The following CUX2 variants were observed in gnomAD, a reference collection of about 807,000 sequenced individuals.
CUX2 encodes homeobox protein cut-like 2.
Under a neutral mutation model 144.8 loss-of-function variants are expected in CUX2, and 40 were observed. The ratio of observed to expected loss-of-function variants is 0.28; its 90% CI spans 0.21 to 0.36. CUX2 has a LOEUF of 0.36. Among genes scored for constraint, CUX2 ranks in the 10% least tolerant of loss-of-function variants. The pLI, the probability that CUX2 is intolerant of heterozygous loss-of-function variation, is 1.00. For synonymous variants in CUX2, 827 were observed against 875.6 expected, an observed-to-expected ratio of 0.94 and a Z score of 0.98; for missense variants, 1,615 against 1,994.0, an observed-to-expected ratio of 0.81 and a Z score of 3.62.
chr12:111,249,218 C>T (rs756187553), intron 3 of CUX2, among the ~76,000 whole-genome samples: 1 of 152,086 alleles, frequency 6.6e-6, no homozygotes, highest in African/African-American at 2.4e-5. Context: ...CTCTGGAGCC[C>T]GGGCTGGAAA....
intron 4 of CUX2, among the ~76,000 whole-genome samples, chr12:111,268,865 T>C (rs7135620): frequency 0.13 from 19,792 of 152,238 alleles, 1,693 homozygotes; most frequent in African/African-American, 0.24. Context: ...AGGATGACCC[T>C]GTACAGACCC....
At chr12:111,165,515 CT>C (rs942636577) in intron 1 of CUX2, among the ~76,000 whole-genome samples, 4 of 152,216 alleles carry the variant, frequency 2.6e-5, no homozygotes, top group Admixed American at 6.5e-5. Flanking sequence ...AGAACATGAA[CT>C]TTAAAATCCA....
At position 111,223,267 on chromosome 12, in the gene CUX2, G is replaced by A. The variant is rs1047231718; in HGVS notation, c.222+5330G>A. Among the ~76,000 whole-genome samples, 22 of 152,180 alleles carry A rather than the reference G, an allele frequency of 1.4e-4. 1 individual carries two copies. Among genetic ancestry groups the A allele is most frequent in the Admixed American group, 1.1e-3 (17 of 15,284 alleles). On this transcript the variant is annotated intron_variant, in intron 3 of 21. Coordinates refer to ENST00000261726, the MANE Select transcript of CUX2 (RefSeq NM_015267.4). The stretch of plus-strand genomic sequence containing the variant: ...AGAAAAAGAAAAAATGTCTGTAGGA[G>A]CCAAGTCCCTGTGATTCTGAAATAA...
At chr12:111,100,673 CAG>C (rs1333556042) in intron 1 of CUX2, among the ~76,000 whole-genome samples, 2 of 152,122 alleles carry the variant, frequency 1.3e-5, no homozygotes, top group Non-Finnish European at 2.9e-5. Context: ...TGTCACGTGG[CAG>C]AGTGAGTTGT....
intron 3 of CUX2, among the ~76,000 whole-genome samples, chr12:111,226,532 A>G (rs565438058): frequency 6.6e-6 from 1 of 152,274 alleles, no homozygotes; most frequent in South Asian, 2.1e-4. Flanking sequence ...CCCCCCAGTT[A>G]AGTAGTTATT....
chr12:111,224,833 C>T (rs891005001), intron 3 of CUX2, among the ~76,000 whole-genome samples: 2 of 152,110 alleles, frequency 1.3e-5, no homozygotes, highest in African/African-American at 2.4e-5. Flanking sequence ...CATTTTAGAT[C>T]GTCTGTTTCC....
chr12:111,177,249 C>T (rs915925805), intron 1 of CUX2, among the ~76,000 whole-genome samples: 2 of 152,118 alleles, frequency 1.3e-5, no homozygotes, highest in Non-Finnish European at 2.9e-5. Context: ...TTGTTGAGAG[C>T]CTGAGACCCC....
chr12:111,252,032 A>G (rs1197224070), intron 3 of CUX2, among the ~76,000 whole-genome samples: 2 of 152,024 alleles, frequency 1.3e-5, no homozygotes, highest in Non-Finnish European at 2.9e-5. Flanking sequence ...AAGAAAACGA[A>G]AATATTAGCC....
At chr12:111,081,136 G>A (rs570495248) in intron 1 of CUX2, among the ~76,000 whole-genome samples, 65 of 152,150 alleles carry the variant, frequency 4.3e-4, no homozygotes, top group Non-Finnish European at 8.1e-4. Context: ...CACCGTTTCC[G>A]ATTGACTGCT....
At chr12:111,242,624 GCCAACA>G (rs1210887206) in intron 3 of CUX2, among the ~76,000 whole-genome samples, 2 of 152,116 alleles carry the variant, frequency 1.3e-5, no homozygotes, top group Non-Finnish European at 2.9e-5. Context: ...GACCAGCCTG[GCCAACA>G]TGGTGAAACC....
At position 111,176,100 on chromosome 12, in the gene CUX2, G is replaced by A. The variant is rs1257215364; in HGVS notation, c.64-38100G>A. Among the ~76,000 whole-genome samples the A allele has an allele frequency of 5.1e-5, 7 of 136,482 alleles. No individual in the cohort carries two copies. In the South Asian group the frequency reaches 1.6e-3, roughly 32 times the overall value. 89.5% of individuals were successfully genotyped at this position (136,482 alleles called of 152,430 possible). On this transcript the variant is annotated intron_variant, in intron 1 of 21. Transcript: ENST00000261726. ...GTTGTTTCACTCTGTTGCCCAGGCT[G>A]CAATACAGTGATGCGATCACAGCTC...
At chr12:111,147,389 T>C (rs1361206620) in intron 1 of CUX2, among the ~76,000 whole-genome samples, 1 of 152,228 alleles carries the variant, frequency 6.6e-6, no homozygotes, top group Non-Finnish European at 1.5e-5. Flanking sequence ...CTGGGATTTA[T>C]GTCCCCATGG....
chr12:111,104,026 A>C (rs1367435514), intron 1 of CUX2, among the ~76,000 whole-genome samples: 1 of 152,188 alleles, frequency 6.6e-6, no homozygotes, highest in Non-Finnish European at 1.5e-5. Context: ...ACCACCTGGA[A>C]TGTCTTTCTT....
At chr12:111,052,104 C>T (rs965213189) in intron 1 of CUX2, among the ~76,000 whole-genome samples, 3 of 152,006 alleles carry the variant, frequency 2.0e-5, no homozygotes, top group African/African-American at 4.8e-5. Flanking sequence ...TTTGTTTCCC[C>T]GGCACCATAG....
chr12:111,325,068 A>G (rs1212171094), intron 18 of CUX2, among the ~76,000 whole-genome samples: 1 of 151,290 alleles, frequency 6.6e-6, no homozygotes, highest in Non-Finnish European at 1.5e-5. Flanking sequence ...GGCGGATCAC[A>G]AGGTCAGGAG....
At chr12:111,052,557 G>T (rs915986864) in intron 1 of CUX2, among the ~76,000 whole-genome samples, 1 of 152,134 alleles carries the variant, frequency 6.6e-6, no homozygotes, top group Non-Finnish European at 1.5e-5. Flanking sequence ...GTGTTTGTGG[G>T]TCTTTTAATT....
intron 1 of CUX2, among the ~76,000 whole-genome samples, chr12:111,049,626 C>T (rs1197638686): frequency 6.6e-6 from 1 of 152,152 alleles, no homozygotes; most frequent in Admixed American, 6.5e-5. Flanking sequence ...GTGTAGTTCT[C>T]CCCTCCTTCC....
At chr12:111,043,383 G>A (rs1005050196) in intron 1 of CUX2, among the ~76,000 whole-genome samples, 1 of 152,214 alleles carries the variant, frequency 6.6e-6, no homozygotes, top group East Asian at 1.9e-4. Context: ...ACCCCGAGAA[G>A]GGTGGAAGAA....
rs375049246 is a variant in CUX2 at position 111,320,783 on chromosome 12, C to A, written c.2766+8C>A. 111 of 1,506,668 alleles carry A rather than the reference C, an allele frequency of 7.4e-5. No individual in the cohort carries two copies. Among genetic ancestry groups the A allele is most frequent in the Non-Finnish European group, 9.3e-5 (105 of 1,131,376 alleles). The allele number at this position is 1,506,668 out of a possible 1,614,324, so 93.3% of individuals were successfully genotyped here. On this transcript the variant is annotated splice_region_variant and intron_variant, in intron 17 of 21. Transcript: ENST00000261726. This position sits in a 1 kb window ranked among gnomAD's most constrained non-coding sequence, Gnocchi z 8.1. ...AGGATCTTCGGGGAGAAGGTGAGTGCAGGGCGGGCCCCCGGTGTCTGGGCT... is the reference window on the plus strand; with the variant it reads ...AGGATCTTCGGGGAGAAGGTGAGTGAAGGGCGGGCCCCCGGTGTCTGGGCT...
Sources: allele counts gnomAD v4.1 joint callset (sites outside exome capture counted in the v4.1 genomes callset), GRCh38; gene constraint gnomAD v4.1.1; non-coding constraint Gnocchi (gnomAD v3.1); transcripts MANE v1.5; gene names NCBI Gene and HGNC (gene_info 2026-07-23, HGNC 2026-07-21).